The following PRKAG2 variants were observed in gnomAD, a reference collection of about 807,000 sequenced individuals.
PRKAG2 encodes the protein protein kinase AMP-activated non-catalytic subunit gamma 2.
Under a neutral mutation model 69.6 loss-of-function variants are expected in PRKAG2, and 26 were observed. That is an observed-to-expected ratio of 0.37 (90% CI 0.27 to 0.52). The LOEUF (loss-of-function observed/expected upper bound fraction) is 0.52, where lower values mean the gene tolerates loss of function less well. PRKAG2 is among the 20% of genes least tolerant of loss of function. PRKAG2 has a pLI of 0.90. For missense variants in PRKAG2, 557 were observed against 740.0 expected (o/e 0.75, Z 2.87); for synonymous variants, 293 against 285.0 (o/e 1.03, Z -0.28).
At chr7:151,696,068 A>G (rs1176803459) in intron 3 of PRKAG2, among the ~76,000 whole-genome samples, 1 of 152,112 alleles carries the variant, frequency 6.6e-6, no homozygotes, top group Non-Finnish European at 1.5e-5. Context: ...ACATCCCCGG[A>G]AGCCCAGTGG....
At position 151,632,443 on chromosome 7, in the gene PRKAG2, GGAGCTC is replaced by G; in HGVS notation, c.685-311_685-306del. On this transcript the variant is annotated intron_variant, in intron 4 of 15. Transcript: ENST00000287878. This position sits in a 1 kb window ranked among gnomAD's most constrained non-coding sequence, Gnocchi z 4.2. ...GGGAGGAAGCGTGGGAAGGGACCCG[GGAGCTC>G]GAGGGCGGCAGCGCCTGGGCCCGGG... 1.5e-5 allele frequency: 9 copies of G among 584,302 alleles called. No individual in the cohort carries two copies. Among genetic ancestry groups the G allele is most frequent in the Non-Finnish European group, 1.9e-5 (9 of 464,392 alleles). 36.2% of individuals were successfully genotyped at this position (584,302 alleles called of 1,614,324 possible). A position where few individuals can be genotyped will look rare whatever the true frequency, so the allele number is the denominator to read the frequency against.
rs968630065 is a variant in PRKAG2 at position 151,567,209 on chromosome 7, C to T, written c.1234-1324G>A. ...GTGTATGCAAGGTATGCAAACGCCT[C>T]CCTCCCAAGGCCCCTGCGTGGAGAA... On this transcript the variant is annotated intron_variant, in intron 11 of 15. Coordinates refer to ENST00000287878, the MANE Select transcript of PRKAG2 (RefSeq NM_016203.4). This position sits in a 1 kb window ranked among gnomAD's most constrained non-coding sequence, Gnocchi z 4.2. Among the ~76,000 whole-genome samples the T allele has an allele frequency of 1.3e-5, 2 of 152,084 alleles. No homozygotes were observed. The highest frequency in any genetic ancestry group is 4.8e-5 in the African/African-American group (2 of 41,394).
At chr7:151,649,384 C>T (rs1010124404) in intron 4 of PRKAG2, among the ~76,000 whole-genome samples, 1 of 152,142 alleles carries the variant, frequency 6.6e-6, no homozygotes, top group African/African-American at 2.4e-5. Context: ...CCTTGGCCTC[C>T]CAAAGTGCTG....
chr7:151,620,791 T>A (rs201556256), intron 5 of PRKAG2, among the ~76,000 whole-genome samples: 1 of 151,480 alleles, frequency 6.6e-6, no homozygotes, highest in East Asian at 1.9e-4. Context: ...CTTAATAGAT[T>A]AAAAAAATTT....
chr7:151,856,406 C>CA (rs1034739499), intron 1 of PRKAG2, among the ~76,000 whole-genome samples: 1 of 152,248 alleles, frequency 6.6e-6, no homozygotes, highest in African/African-American at 2.4e-5. Context: ...CGGAGGCTTG[C>CA]AGCTCCCTGG....
intron 3 of PRKAG2, among the ~76,000 whole-genome samples, chr7:151,739,207 G>A (rs913679428): frequency 1.4e-4 from 22 of 152,336 alleles, no homozygotes; most frequent in African/African-American, 4.8e-4. Flanking sequence ...AACTGCTCAC[G>A]TGATTGGACC....
At position 151,638,416 on chromosome 7, in the gene PRKAG2, C is replaced by G. The variant is rs1199160910; in HGVS notation, c.685-6278G>C. 6.6e-6 allele frequency among the ~76,000 whole-genome samples: 1 copy of G among 152,136 alleles called. No individual in the cohort carries two copies. The highest frequency in any genetic ancestry group is 2.4e-5 in the African/African-American group (1 of 41,446). On this transcript the variant is annotated intron_variant, in intron 4 of 15. Transcript: ENST00000287878. This position sits in a 1 kb window ranked among gnomAD's most constrained non-coding sequence, Gnocchi z 4.3. ...TTGGGAGGCCGAGGCGGGCGGATCACAAGGTCAGGAGATCGAGACCATCCT... is the reference window on the plus strand; with the variant it reads ...TTGGGAGGCCGAGGCGGGCGGATCAGAAGGTCAGGAGATCGAGACCATCCT...
At chr7:151,779,006 T>C (rs927201300) in intron 3 of PRKAG2, among the ~76,000 whole-genome samples, 2 of 152,190 alleles carry the variant, frequency 1.3e-5, no homozygotes, top group Non-Finnish European at 2.9e-5. Context: ...TTCAAATTAT[T>C]ATATGCATAT....
At chr7:151,680,586 G>A (rs1217727567) in intron 3 of PRKAG2, among the ~76,000 whole-genome samples, 2 of 152,200 alleles carry the variant, frequency 1.3e-5, no homozygotes, top group Non-Finnish European at 2.9e-5. Flanking sequence ...CAACTGGCAG[G>A]GAGGACTTTC....
At chr7:151,689,078 G>A (rs775779458) in intron 3 of PRKAG2, among the ~76,000 whole-genome samples, 36 of 152,320 alleles carry the variant, frequency 2.4e-4, no homozygotes, top group African/African-American at 7.9e-4. Context: ...ATCACGCCTC[G>A]CTGGGACCCT....
chr7:151,865,933 T>C (rs537426104), intron 1 of PRKAG2, among the ~76,000 whole-genome samples: 1 of 147,880 alleles, frequency 6.8e-6, no homozygotes, highest in Admixed American at 6.9e-5. Context: ...GGCAGGAGAA[T>C]GGTGTGAACC....
At chr7:151,842,671 TGATGATGGTAGTGATGGTAGGTAGG>T (rs1208593182) in intron 1 of PRKAG2, among the ~76,000 whole-genome samples, 2 of 146,858 alleles carry the variant, frequency 1.4e-5, no homozygotes, top group African/African-American at 2.6e-5. Flanking sequence ...GGGTAGGTAG[TGATGATGGTAGTGATGGTAGGTAGG>T]GATGATGGTA....
intron 3 of PRKAG2, among the ~76,000 whole-genome samples, chr7:151,688,350 G>A (rs1259726951): frequency 6.6e-6 from 1 of 152,230 alleles, no homozygotes; most frequent in Non-Finnish European, 1.5e-5. Flanking sequence ...CGAGATGCCT[G>A]TTTATAACAC....
At chr7:151,578,976 T>C (rs898007421) in intron 6 of PRKAG2, among the ~76,000 whole-genome samples, 2 of 152,162 alleles carry the variant, frequency 1.3e-5, no homozygotes, top group Non-Finnish European at 2.9e-5. Context: ...TGGAATAGAA[T>C]GGGAATGGGG....
At chr7:151,635,672 G>A (rs547691198) in intron 4 of PRKAG2, among the ~76,000 whole-genome samples, 24 of 152,206 alleles carry the variant, frequency 1.6e-4, no homozygotes, top group East Asian at 5.8e-4. Flanking sequence ...AGTGGATGCC[G>A]GGGATCAGGG....
intron 1 of PRKAG2, among the ~76,000 whole-genome samples, chr7:151,802,208 C>G (rs774977740): frequency 8.5e-5 from 13 of 152,166 alleles, no homozygotes; most frequent in Non-Finnish European, 1.6e-4. Context: ...GTAGTTTGTC[C>G]CTGGCATTGC....
chr7:151,564,360 G>T, intron 13 of PRKAG2, 136 bp from the exon 14 acceptor site: 1 of 883,546 alleles, frequency 1.1e-6, no homozygotes. Flanking sequence ...TACATCAGAC[G>T]TTCTTTCTGG....
At chr7:151,577,995 T>TTG (rs1019538037) in intron 6 of PRKAG2, among the ~76,000 whole-genome samples, 3 of 151,522 alleles carry the variant, frequency 2.0e-5, no homozygotes, top group South Asian at 2.1e-4. Flanking sequence ...TGGTTATGTT[T>TTG]TTTTTTTTTT....
chr7:151,855,210 C>A (rs1337073561), intron 1 of PRKAG2, among the ~76,000 whole-genome samples: 5 of 135,530 alleles, frequency 3.7e-5, no homozygotes, highest in African/African-American at 5.4e-5. Context: ...ACACCACCCT[C>A]CACACACACC....
Sources: allele counts gnomAD v4.1 joint callset (sites outside exome capture counted in the v4.1 genomes callset), GRCh38; gene constraint gnomAD v4.1.1; non-coding constraint Gnocchi (gnomAD v3.1); transcripts MANE v1.5; gene names NCBI Gene and HGNC (gene_info 2026-07-23, HGNC 2026-07-21).